The following PCDHA5 variants were observed in gnomAD, a reference collection of about 807,000 sequenced individuals.
PCDHA5 encodes protocadherin alpha-5.
Under a neutral mutation model 61.6 loss-of-function variants are expected in PCDHA5, and 43 were observed. The observed-to-expected ratio is 0.70, with a 90% CI of 0.55 to 0.90. The LOEUF is 0.90. Among genes scored for constraint, PCDHA5 ranks in the 40% least tolerant of loss-of-function variants. PCDHA5 has a pLI of 0.00. For synonymous variants in PCDHA5, 627 were observed against 543.9 expected (o/e 1.15, Z -2.13); for missense variants, 1,298 against 1,222.7 (o/e 1.06, Z -0.92).
At chr5:140,993,460 T>TCACA (rs1554253699) in intron 3 of PCDHA5, among the ~76,000 whole-genome samples, 76 of 104,564 alleles carry the variant, frequency 7.3e-4, no homozygotes, top group Admixed American at 2.0e-3. Context: ...CTTCTTTCTT[T>TCACA]CTCACACACA....
At chr5:140,868,370 A>C (rs1424656791) in intron 1 of PCDHA5, 2 of 152,204 alleles carry the variant, frequency 1.3e-5, no homozygotes, top group African/African-American at 4.8e-5. Flanking sequence ...TGTAAATAAC[A>C]GTAAAGAATG....
chr5:140,950,952 A>G (rs1554219699), intron 1 of PCDHA5, among the ~76,000 whole-genome samples: 2 of 151,782 alleles, frequency 1.3e-5, no homozygotes, highest in Admixed American at 1.3e-4. Context: ...GATCATTTCT[A>G]TTGATCTATT....
chr5:140,973,755 G>A (rs1442337323), intron 1 of PCDHA5, among the ~76,000 whole-genome samples: 1 of 152,234 alleles, frequency 6.6e-6, no homozygotes, highest in Admixed American at 6.5e-5. Flanking sequence ...ACTCTGCAGG[G>A]ACACAGCCTG....
intron 1 of PCDHA5, chr5:140,869,887 C>A: frequency 1.9e-6 from 3 of 1,610,174 alleles, no homozygotes; most frequent in Non-Finnish European, 2.5e-6. Context: ...AACTCTTGTG[C>A]TCAAACTAAA....
chr5:140,927,226 A>G, intron 1 of PCDHA5: 4 of 1,613,996 alleles, frequency 2.5e-6, no homozygotes, highest in Non-Finnish European at 3.4e-6. Context: ...CAAGATTCGG[A>G]TTCACGTCCT....
intron 1 of PCDHA5, among the ~76,000 whole-genome samples, chr5:140,837,823 G>A (rs1554136656): frequency 1.3e-5 from 2 of 151,542 alleles, no homozygotes; most frequent in Admixed American, 1.3e-4. Flanking sequence ...AATACAGTTT[G>A]CATGTCATTG....
intron 1 of PCDHA5, chr5:140,877,909 C>A: frequency 6.3e-6 from 9 of 1,432,578 alleles, no homozygotes; most frequent in Non-Finnish European, 7.3e-6. Flanking sequence ...TAACTACATT[C>A]TCTCATTTTT....
intron 1 of PCDHA5, among the ~76,000 whole-genome samples, chr5:140,949,671 G>A (rs1316716969): frequency 6.6e-6 from 1 of 151,584 alleles, no homozygotes. Context: ...TTTAAAGTAT[G>A]CCCTTGTTGA....
At position 140,841,334 on chromosome 5, in the gene PCDHA5, T is replaced by C. The variant is rs2150313767; in HGVS notation, c.2352+17207T>C. The C allele has an allele frequency of 4.1e-5, 65 of 1,588,822 alleles. No homozygotes were observed. The African/African-American group carries it at 7.9e-4, about 19-fold the overall frequency. ...ACGACTATTTAACATGGATTATCAC[T>C]GGCGAGGAGAGCTGGGATCCTGGCG... On this transcript the variant is annotated intron_variant, in intron 1 of 3. Coordinates refer to ENST00000529859, the MANE Select transcript of PCDHA5 (RefSeq NM_018908.3).
At chr5:140,870,962 C>T (rs1489353896) in intron 1 of PCDHA5, 3 of 1,613,532 alleles carry the variant, frequency 1.9e-6, no homozygotes, top group Admixed American at 1.7e-5. Context: ...TCGCGCATCC[C>T]GTTCCGCGTG....
rs150962684 is a variant in PCDHA5, at chr5:140,829,379, G to C, written c.2352+5252G>C. 448 of 1,614,186 alleles carry C rather than the reference G, an allele frequency of 2.8e-4. 2 individuals carry two copies. The African/African-American group carries it at 5.6e-3, about 20-fold the overall frequency. On this transcript the variant is annotated intron_variant, in intron 1 of 3. Transcript: ENST00000529859. ...TGAGTTGGTGGTAACCGCGCGGGACGGGGGCTCGCCTTCGCTGTGGGCCAC... is the reference window on the plus strand; with the variant it reads ...TGAGTTGGTGGTAACCGCGCGGGACCGGGGCTCGCCTTCGCTGTGGGCCAC...
chr5:140,891,235 G>T (rs186707439), intron 1 of PCDHA5, among the ~76,000 whole-genome samples: 48 of 152,092 alleles, frequency 3.2e-4, no homozygotes, highest in African/African-American at 1.1e-3. Flanking sequence ...TCCTGTTCTG[G>T]ATTCAGTAGG....
chr5:140,903,587 G>A (rs62384486), intron 1 of PCDHA5, among the ~76,000 whole-genome samples: 1 of 152,156 alleles, frequency 6.6e-6, no homozygotes, highest in African/African-American at 2.4e-5. Context: ...GCTGGTGTTG[G>A]CCTGATAAAT....
Position 140,871,058 on chromosome 5 carries a change from A to C in PCDHA5, c.2352+46931A>C, listed in dbSNP as rs1179361194. Reference sequence around the variant, plus strand: ...CACCGACTTCTAGTACTGGTGAAGGATCACGGTGAGCCGGCGCTGACGGCC... The same window carrying C: ...CACCGACTTCTAGTACTGGTGAAGGCTCACGGTGAGCCGGCGCTGACGGCC... On this transcript the variant is annotated intron_variant, in intron 1 of 3. Transcript: ENST00000529859. 8 of 1,613,140 alleles carry C rather than the reference A, an allele frequency of 5.0e-6. No homozygotes were observed. The African/African-American group carries it at 6.7e-5, about 13-fold the overall frequency.
At chr5:140,853,460 T>C in intron 1 of PCDHA5, 2 of 974,384 alleles carry the variant, frequency 2.1e-6, no homozygotes, top group Non-Finnish European at 2.5e-6. Flanking sequence ...TCTCCTTATA[T>C]GCATCTGTAG....
chr5:140,969,058 T>C, intron 1 of PCDHA5: 1 of 1,614,166 alleles, frequency 6.2e-7, no homozygotes. Flanking sequence ...ACAACAATAT[T>C]GATGCCAGGA....
At chr5:140,976,528 A>G (rs1238458657) in intron 1 of PCDHA5, among the ~76,000 whole-genome samples, 1 of 152,112 alleles carries the variant, frequency 6.6e-6, no homozygotes, top group East Asian at 1.9e-4. Flanking sequence ...ACCAGCCTAA[A>G]TGACAGAGTA....
At chr5:140,857,839 C>A in intron 1 of PCDHA5, 1 of 1,597,776 alleles carries the variant, frequency 6.3e-7, no homozygotes, top group South Asian at 1.1e-5. Flanking sequence ...GCGCAGTGGA[C>A]GCTGACTCTG....
intron 1 of PCDHA5, chr5:140,841,999 T>A: frequency 6.2e-7 from 1 of 1,613,818 alleles, no homozygotes; most frequent in Non-Finnish European, 8.5e-7. Context: ...CAGGCACTGT[T>A]CAGCTGCTGG....
Sources: allele counts gnomAD v4.1 joint callset (sites outside exome capture counted in the v4.1 genomes callset), GRCh38; gene constraint gnomAD v4.1.1; transcripts MANE v1.5; gene names NCBI Gene and HGNC (gene_info 2026-07-23, HGNC 2026-07-21).